Variants in FANCI observed in about 807,000 individuals in gnomAD.
The protein encoded by FANCI is Fanconi anemia group I protein.
A neutral mutation model predicts 176.1 loss-of-function variants in FANCI; 156 were observed. That is an observed-to-expected ratio of 0.89 (90% CI 0.78 to 1.01). The LOEUF is 1.01. FANCI is among the 50% of genes least tolerant of loss of function. The pLI is 0.00. For missense variants in FANCI, 1,678 were observed against 1,534.1 expected (o/e 1.09, Z -1.57); for synonymous variants, 613 against 541.7 (o/e 1.13, Z -1.83).
At position 89,261,803 on chromosome 15, in the gene FANCI, T is replaced by A. The variant is rs762486364; in HGVS notation, c.446-18T>A. 2 of 1,614,134 alleles carry A rather than the reference T, an allele frequency of 1.2e-6. No homozygotes were observed. Among genetic ancestry groups the A allele is most frequent in the Admixed American group, 1.7e-5 (1 of 60,028 alleles). ...GCACATAATCAAATTCATTGCTCAGTATATTTTGCATTTCTAGGTGTACTG... is the reference window on the plus strand; with the variant it reads ...GCACATAATCAAATTCATTGCTCAGAATATTTTGCATTTCTAGGTGTACTG... On this transcript the variant is annotated intron_variant, in intron 5 of 37. Transcript: ENST00000310775.
chr15:89,246,906 T>C lies in FANCI; in HGVS notation c.-19-723T>C, dbSNP rs535538373. Among the ~76,000 whole-genome samples the C allele has an allele frequency of 2.2e-4, 33 of 151,218 alleles. 2 individuals are homozygous for C. In the South Asian group the frequency reaches 6.5e-3, roughly 30 times the overall value. ...TCAGCCTCCCGAGTAGCTGGGACTATAGGCGCCCGCCACCACGCCCAGCTA... is the reference window on the plus strand; with the variant it reads ...TCAGCCTCCCGAGTAGCTGGGACTACAGGCGCCCGCCACCACGCCCAGCTA... On this transcript the variant is annotated intron_variant, in intron 1 of 37. Coordinates refer to ENST00000310775, the MANE Select transcript of FANCI (RefSeq NM_001113378.2).
chr15:89,276,230 A>G (rs2053406703), intron 12 of FANCI, among the ~76,000 whole-genome samples: 3 of 152,236 alleles, frequency 2.0e-5, no homozygotes, highest in Admixed American at 2.0e-4. Flanking sequence ...CAGATCACTC[A>G]TCCATTTATA....
intron 34 of FANCI, among the ~76,000 whole-genome samples, chr15:89,312,265 C>T (rs912298034): frequency 1.3e-5 from 2 of 152,212 alleles, no homozygotes; most frequent in South Asian, 2.1e-4. Context: ...CCTGCTACCA[C>T]CTTGACAGTC....
intron 2 of FANCI, among the ~76,000 whole-genome samples, chr15:89,257,562 C>T (rs1191476865): frequency 1.3e-5 from 2 of 152,108 alleles, no homozygotes; most frequent in Non-Finnish European, 2.9e-5. Context: ...CTGACATTCC[C>T]CCTGTTTGTG....
At chr15:89,248,619 G>C (rs1398408648) in intron 2 of FANCI, among the ~76,000 whole-genome samples, 7 of 152,058 alleles carry the variant, frequency 4.6e-5, no homozygotes, top group Non-Finnish European at 1.0e-4. Context: ...CTATAGACAA[G>C]ATTTGATTGA....
intron 6 of FANCI, among the ~76,000 whole-genome samples, chr15:89,263,055 A>T (rs1043729599): frequency 1.3e-5 from 2 of 152,242 alleles, no homozygotes; most frequent in Non-Finnish European, 2.9e-5. Flanking sequence ...ATATATCTAG[A>T]TGACCTTTTA....
chr15:89,261,688 C>T lies in FANCI; in HGVS notation c.392C>T (p.Pro131Leu). ...AATGGAAAATCTTTGGAGTTACTAC[C>T]TATCATTCTCACTGCCCTGGCTACG... ...LVNGKSLELL[P>L]IILTALATKK... Residue 131 changes from proline to leucine, a missense_variant, in exon 5 of 38, where the codon CCT (proline) becomes CTT (leucine). Physicochemically the swap from Pro to Leu is moderately conservative, Grantham distance 98. This residue lies in a region of FANCI where 469 missense variants were observed against 436.9 expected (regional missense o/e 1.07). Coordinates refer to ENST00000310775, the MANE Select transcript of FANCI (RefSeq NM_001113378.2). 1.9e-6 allele frequency: 3 copies of T among 1,614,120 alleles called. No homozygotes were observed. The highest frequency in any genetic ancestry group is 2.5e-6 in the Non-Finnish European group (3 of 1,180,006).
chr15:89,260,668 A>C (rs1300975889), intron 3 of FANCI, 45 bp from the exon 4 acceptor site: 5 of 1,610,042 alleles, frequency 3.1e-6, no homozygotes, highest in East Asian at 4.5e-5. Context: ...TTTACCTGTC[A>C]ATGTTGTAAG....
At chr15:89,255,494 A>G (rs997175069) in intron 2 of FANCI, among the ~76,000 whole-genome samples, 5 of 152,144 alleles carry the variant, frequency 3.3e-5, no homozygotes, top group African/African-American at 9.7e-5. Context: ...AAGTAATTAT[A>G]AAGTGGGATC....
chr15:89,249,988 C>T (rs2052167695), intron 2 of FANCI, among the ~76,000 whole-genome samples: 1 of 152,102 alleles, frequency 6.6e-6, no homozygotes, highest in South Asian at 2.1e-4. Context: ...GGGTAGGTCC[C>T]ATAAGGTAGA....
intron 24 of FANCI, among the ~76,000 whole-genome samples, chr15:89,297,161 G>A (rs1194592127): frequency 7.3e-6 from 1 of 136,144 alleles, no homozygotes; most frequent in African/African-American, 2.5e-5. Flanking sequence ...CTTCTCAGAC[G>A]GGGCGGCCGG....
At chr15:89,284,521 A>G (rs1235057131) in intron 17 of FANCI, among the ~76,000 whole-genome samples, 7 of 152,248 alleles carry the variant, frequency 4.6e-5, no homozygotes, top group Admixed American at 4.6e-4. Flanking sequence ...AACTTGCCCA[A>G]GGTTATATAA....
At chr15:89,262,582 A>G (rs777120936) in intron 6 of FANCI, among the ~76,000 whole-genome samples, 6 of 152,214 alleles carry the variant, frequency 3.9e-5, no homozygotes, top group African/African-American at 1.2e-4. Context: ...AAAAAGAACA[A>G]GAAGGGAATA....
Position 89,260,818 on chromosome 15 carries a change from A to G in FANCI, c.263A>G (p.Glu88Gly), listed in dbSNP as rs1225012246. The change falls in exon 4 of 38, where the codon GAG becomes GGG. Residue 88 changes from glutamate to glycine, a missense_variant. Around this residue, in one of 3 missense-constraint regions of FANCI, gnomAD observed 469 missense variants for 436.9 expected, o/e 1.07. Coordinates refer to ENST00000310775, the MANE Select transcript of FANCI (RefSeq NM_001113378.2). ...SGDLQKEIAS[E>G]IIGLLMLEAH... Reference sequence around the variant, plus strand: ...GATTTGCAGAAAGAAATAGCGTCTGAGATCATAGGATTACTGATGCTGGAG... The same window carrying G: ...GATTTGCAGAAAGAAATAGCGTCTGGGATCATAGGATTACTGATGCTGGAG... 3 of 1,613,928 alleles carry G rather than the reference A, an allele frequency of 1.9e-6. No homozygotes were observed. The highest frequency in any genetic ancestry group is 1.7e-6 in the Non-Finnish European group (2 of 1,179,854).
chr15:89,273,420 G>T lies in FANCI; in HGVS notation c.926G>T (p.Ser309Ile), dbSNP rs542389647. The change falls in exon 11 of 38, where the codon AGC (serine) becomes ATC (isoleucine). Residue 309 changes from serine to isoleucine, a missense_variant. Physicochemically the swap from Ser to Ile is moderately radical, Grantham distance 142. Transcript: ENST00000310775. ...GDSNNNLSPF[S>I]IALLLSVTRI... The stretch of plus-strand genomic sequence containing the variant: ...TCCAATAATAACTTAAGTCCCTTCA[G>T]CATTGCTCTTCTTCTGTCTGTAACA... 2 of 1,605,948 alleles carry T rather than the reference G, an allele frequency of 1.2e-6. No homozygotes were observed. Among genetic ancestry groups the T allele is most frequent in the East Asian group, 4.5e-5 (2 of 44,666 alleles).
At chr15:89,299,428 G>C (rs1446531215) in intron 24 of FANCI, among the ~76,000 whole-genome samples, 2 of 152,126 alleles carry the variant, frequency 1.3e-5, no homozygotes, top group African/African-American at 4.8e-5. Flanking sequence ...TACCAAACCA[G>C]ACCCAGACCA....
chr15:89,273,321 A>AAG, intron 10 of FANCI, 56 bp from the exon 11 acceptor site: 18 of 921,800 alleles, frequency 2.0e-5, no homozygotes, highest in Non-Finnish European at 2.6e-5. Context: ...AAAAAAAAAA[A>AAG]AAAAAGAAAA....
chr15:89,274,134 A>AT (rs2053315118), intron 11 of FANCI, 34 bp from the exon 12 acceptor site: 8 of 1,449,402 alleles, frequency 5.5e-6, no homozygotes, highest in Non-Finnish European at 6.6e-6. Flanking sequence ...TTATTTATTT[A>AT]TTTTTTCATT....
Position 89,281,784 on chromosome 15 carries a change from T to C in FANCI, c.1532T>C (p.Met511Thr). Residue 511 changes from methionine (M) to threonine (T), a missense_variant, in exon 16 of 38, where the codon ATG becomes ACG. This residue lies in a region of FANCI where 1,204 missense variants were observed against 1,077.4 expected (regional missense o/e 1.12). Coordinates refer to ENST00000310775, the MANE Select transcript of FANCI (RefSeq NM_001113378.2). ...TTTCAGCCCCTTCTCAAAGTCAGCA[T>C]GTCAATGAGAGACTGCTTGATACTT... ...KAVQPLLKVS[M>T]SMRDCLILVL... 1.9e-6 allele frequency: 3 copies of C among 1,613,968 alleles called. No homozygotes were observed. Among genetic ancestry groups the C allele is most frequent in the Non-Finnish European group, 2.5e-6 (3 of 1,179,930 alleles).
Sources: gnomAD v4.1 joint callset for allele counts (sites outside exome capture counted in the v4.1 genomes callset) on GRCh38, gnomAD v4.1.1 for gene constraint, gnomAD v4.1.1 regional missense constraint, MANE v1.5 for transcripts, NCBI Gene and HGNC (gene_info 2026-07-23, HGNC 2026-07-21) for gene names.